IPO7: variants seen among roughly 807,000 people sequenced by gnomAD.
The protein encoded by IPO7 is importin-7.
Under a neutral mutation model 136.4 loss-of-function variants are expected in IPO7, and 13 were observed. That is an observed-to-expected ratio of 0.10 (90% confidence interval 0.06 to 0.15). The LOEUF (loss-of-function observed/expected upper bound fraction) is 0.15, where lower values mean the gene tolerates loss of function less well. Among genes scored for constraint, IPO7 ranks in the 10% least tolerant of loss-of-function variants. The probability of loss-of-function intolerance (pLI) is 1.00; values close to 1 mark genes in which losing one functional copy is unlikely to be tolerated. For missense variants in IPO7, 857 were observed against 1,240.6 expected, an observed-to-expected ratio of 0.69 and a Z score of 4.65; for synonymous variants, 403 against 404.4, an observed-to-expected ratio of 1.00 and a Z score of 0.04.
intron 6 of IPO7, among the ~76,000 whole-genome samples, chr11:9,418,693 T>G (rs1855078289): frequency 6.6e-6 from 1 of 152,196 alleles, no homozygotes; most frequent in Non-Finnish European, 1.5e-5. Flanking sequence ...TGTGCACCTT[T>G]TTGTTGTACA....
chr11:9,440,691 T>G (rs776049196), intron 23 of IPO7, 30 bp downstream of exon 23: 107 of 1,453,692 alleles, frequency 7.4e-5, no homozygotes, highest in Non-Finnish European at 9.3e-5. Flanking sequence ...GTGGATCCAT[T>G]TCATTGAACA....
chr11:9,421,158 T>C (rs1199706827), intron 8 of IPO7, among the ~76,000 whole-genome samples: 4 of 151,446 alleles, frequency 2.6e-5, no homozygotes, highest in African/African-American at 4.9e-5. Context: ...ACGGGTTTTC[T>C]CCATGTTGGT....
Position 9,423,769 on chromosome 11 carries a change from A to C in IPO7, c.1042-8A>C. On this transcript the variant is annotated splice_region_variant and splice_polypyrimidine_tract_variant and intron_variant, in intron 9 of 24. Transcript: ENST00000379719. ...ATGGTTATTGTTTTCTTAACTTTTA[A>C]ATTGCAGGGCATTATCCAAGATGTT... 6.5e-7 allele frequency: 1 copy of C among 1,534,968 alleles called. No homozygotes were observed. Among genetic ancestry groups the C allele is most frequent in the South Asian group, 1.2e-5 (1 of 83,284 alleles).
intron 1 of IPO7, among the ~76,000 whole-genome samples, chr11:9,397,507 G>A (rs866904770): frequency 8.0e-5 from 12 of 150,136 alleles, no homozygotes; most frequent in Non-Finnish European, 1.5e-4. Flanking sequence ...CTGGGATTAC[G>A]GGTGTGAGCC....
Position 9,435,020 on chromosome 11 carries a change from A to C in IPO7, c.2161A>C (p.Met721Leu). ...CAAGTATCTTGAAATGATATACAGT[A>C]TGTGCAAAAAGGTAGGTCATTTTTA... ...DTKYLEMIYS[M>L]CKKVLTGVAG... Residue 721 changes from methionine to leucine, a missense_variant, in exon 19 of 25, where the codon ATG becomes CTG. Coordinates refer to ENST00000379719, the MANE Select transcript of IPO7 (RefSeq NM_006391.3). 2 of 1,590,744 alleles carry C rather than the reference A, an allele frequency of 1.3e-6. No individual in the cohort carries two copies. Among genetic ancestry groups the C allele is most frequent in the Non-Finnish European group, 1.7e-6 (2 of 1,159,688 alleles).
intron 10 of IPO7, 58 bp downstream of exon 10, chr11:9,423,934 T>C (rs1278292791): frequency 3.0e-6 from 3 of 1,011,868 alleles, no homozygotes; most frequent in Non-Finnish European, 4.7e-6. Context: ...ATTACAGTGA[T>C]TGCATGTAGC....
rs183250837 is a variant in IPO7 at position 9,440,392 on chromosome 11, G to A, written c.2696-63G>A. ...TTTACTGACAGTGATTGAGATGATT[G>A]TCAATTTGTTGAGTAACAAAATATG... On this transcript the variant is annotated intron_variant, in intron 22 of 24. Transcript: ENST00000379719. 1.6e-5 allele frequency: 21 copies of A among 1,317,070 alleles called. No individual in the cohort carries two copies. The African/African-American group carries it at 2.9e-4, about 18-fold the overall frequency. The allele number at this position is 1,317,070 out of a possible 1,614,324, so 81.6% of individuals were successfully genotyped here.
chr11:9,397,134 T>C (rs1171162527), intron 1 of IPO7, among the ~76,000 whole-genome samples: 1 of 150,402 alleles, frequency 6.6e-6, no homozygotes, highest in Non-Finnish European at 1.5e-5. Context: ...TTTGTTGTTG[T>C]TTAGGGTTGA....
chr11:9,408,686 AG>A, intron 3 of IPO7, 47 bp downstream of exon 3: 4 of 752,344 alleles, frequency 5.3e-6, no homozygotes, highest in Non-Finnish European at 7.5e-6. Context: ...TGTAACTTTC[AG>A]GGTTTTTTGT....
Position 9,437,847 on chromosome 11 carries a change from G to A in IPO7, c.2362G>A (p.Ala788Thr). The change falls in exon 21 of 25, where the codon GCA becomes ACA. Residue 788 changes from alanine to threonine, a missense_variant. Physicochemically the swap from Ala to Thr is moderately conservative, Grantham distance 58. Coordinates refer to ENST00000379719, the MANE Select transcript of IPO7 (RefSeq NM_006391.3). ...AACTATGTGTCTGCAAGTTGCAATT[G>A]CAGCTTTGTATTATAATCCACACCT... is the stretch of plus-strand genomic sequence containing the variant. ...LRTMCLQVAI[A>T]ALYYNPHLLL... is the part of the protein sequence containing the mutation. 1 of 1,613,868 alleles carries A rather than the reference G, an allele frequency of 6.2e-7. No individual in the cohort carries two copies. The highest frequency in any genetic ancestry group is 8.5e-7 in the Non-Finnish European group (1 of 1,179,822).
chr11:9,430,103 C>T (rs913460591), intron 15 of IPO7, among the ~76,000 whole-genome samples: 8 of 152,102 alleles, frequency 5.3e-5, no homozygotes, highest in Admixed American at 2.0e-4. Flanking sequence ...GTAGGGTTCA[C>T]GCTCCTGTGA....
chr11:9,446,366 C>T lies in IPO7; in HGVS notation c.*1172C>T, dbSNP rs1249383087. 5 of 152,190 alleles carry T rather than the reference C, an allele frequency of 3.3e-5. No homozygotes were observed. Among genetic ancestry groups the T allele is most frequent in the Non-Finnish European group, 5.9e-5 (4 of 68,038 alleles). The allele number at this position is 152,190 out of a possible 1,614,324, so 9.4% of individuals were successfully genotyped here. On this transcript the variant is annotated 3_prime_UTR_variant, in exon 25 of 25. Coordinates refer to ENST00000379719, the MANE Select transcript of IPO7 (RefSeq NM_006391.3). ...ATTTAACACTTACCCACTCCCCTTT[C>T]CCCATCTCTTCTACCGCTCTTGTTG...
At chr11:9,397,239 A>G (rs1590427765) in intron 1 of IPO7, among the ~76,000 whole-genome samples, 1 of 148,208 alleles carries the variant, frequency 6.7e-6, no homozygotes, top group African/African-American at 2.5e-5. Context: ...TCCAGCTATT[A>G]TAATTTTTAG....
At chr11:9,394,679 G>A (rs1376735472) in intron 1 of IPO7, among the ~76,000 whole-genome samples, 2 of 151,998 alleles carry the variant, frequency 1.3e-5, no homozygotes, top group African/African-American at 2.4e-5. Context: ...CTGAGTTTAC[G>A]TCCCTTAGGT....
intron 22 of IPO7, among the ~76,000 whole-genome samples, chr11:9,440,025 T>C (rs927741838): frequency 5.3e-5 from 8 of 152,232 alleles, no homozygotes; most frequent in East Asian, 3.8e-4. Context: ...TGTTGATAAA[T>C]ACATTTTATC....
At chr11:9,411,396 G>T (rs1002900959) in intron 4 of IPO7, among the ~76,000 whole-genome samples, 1 of 152,186 alleles carries the variant, frequency 6.6e-6, no homozygotes, top group African/African-American at 2.4e-5. Context: ...TCAGTTGAAG[G>T]AACACAAAGA....
intron 6 of IPO7, among the ~76,000 whole-genome samples, chr11:9,419,602 A>T: frequency 7.0e-6 from 1 of 143,288 alleles, no homozygotes; most frequent in Non-Finnish European, 1.5e-5. Flanking sequence ...TGGATGTCTT[A>T]GGTTATTAAT....
At chr11:9,404,563 A>ATTTT (rs545909983) in intron 2 of IPO7, among the ~76,000 whole-genome samples, 2 of 114,626 alleles carry the variant, frequency 1.7e-5, no homozygotes, top group East Asian at 2.3e-4. Flanking sequence ...CGGTCTTCGG[A>ATTTT]TTTTTTTTTT....
chr11:9,414,296 T>TGCA lies in IPO7; in HGVS notation c.525_527dup (p.Gln175dup). ...GAGCGGAGTCCATTGGTAGCAGCAA[T>TGCA]GCAGCATTTTCTGCCAGTTCTAAAG... On this transcript the variant is annotated inframe_insertion, in exon 5 of 25. Coordinates refer to ENST00000379719, the MANE Select transcript of IPO7 (RefSeq NM_006391.3). The TGCA allele has an allele frequency of 6.2e-7, 1 of 1,613,400 alleles. No individual in the cohort carries two copies. Among genetic ancestry groups the TGCA allele is most frequent in the South Asian group, 1.1e-5 (1 of 91,024 alleles).
Sources: allele counts gnomAD v4.1 joint callset (sites outside exome capture counted in the v4.1 genomes callset), GRCh38; gene constraint gnomAD v4.1.1; transcripts MANE v1.5; gene names NCBI Gene and HGNC (gene_info 2026-07-23, HGNC 2026-07-21).